Variants in METTL14 observed in about 807,000 individuals in gnomAD.
The protein encoded by METTL14 is methyltransferase 14, N6-adenosine-methyltransferase non-catalytic subunit, also known as N(6)-adenosine-methyltransferase non-catalytic subunit METTL14.
In METTL14, 32 loss-of-function variants were observed where a neutral mutation model predicts 62.4. The ratio of observed to expected loss-of-function variants is 0.51; its 90% CI spans 0.39 to 0.69. The LOEUF is 0.69. METTL14 is among the 30% of genes least tolerant of loss of function. The probability of loss-of-function intolerance (pLI) is 0.00; values close to 1 mark genes in which losing one functional copy is unlikely to be tolerated. For missense variants in METTL14, 340 were observed against 551.9 expected (o/e 0.62, Z 3.85); for synonymous variants, 150 against 180.0 (o/e 0.83, Z 1.34).
In METTL14 at chr4:118,704,058, C is replaced by T. The variant is rs1362477377; in HGVS notation, c.855+7C>T. The T allele has an allele frequency of 6.7e-7, 1 of 1,489,368 alleles. No homozygotes were observed. Among genetic ancestry groups the T allele is most frequent in the African/African-American group, 1.4e-5 (1 of 70,512 alleles). The allele number at this position is 1,489,368 out of a possible 1,614,324, so 92.3% of individuals were successfully genotyped here. On this transcript the variant is annotated splice_region_variant and intron_variant, in intron 9 of 10. Transcript: ENST00000388822. ...TGTCTTTCAGAGAACAAAGGTATTG[C>T]CTTTACTGATTTGTTTTTTTTAATT...
rs531353803 is a variant in METTL14 at position 118,709,329 on chromosome 4, T to A, written c.1067-669T>A. On this transcript the variant is annotated intron_variant, in intron 10 of 10. Transcript: ENST00000388822. Reference sequence around the variant, plus strand: ...TGAATTTGGGCTTTGTGGAAACAGTTGGAAGGTTTTTGAGCAGAGAAGTGA... The same window carrying A: ...TGAATTTGGGCTTTGTGGAAACAGTAGGAAGGTTTTTGAGCAGAGAAGTGA... Among the ~76,000 whole-genome samples, 9 of 152,304 alleles carry A rather than the reference T, an allele frequency of 5.9e-5. No homozygotes were observed. The East Asian group carries it at 1.5e-3, about 26-fold the overall frequency.
At chr4:118,704,991 T>C (rs952854640) in intron 9 of METTL14, among the ~76,000 whole-genome samples, 1 of 152,114 alleles carries the variant, frequency 6.6e-6, no homozygotes, top group Non-Finnish European at 1.5e-5. Flanking sequence ...CAGAATTGAA[T>C]TGAATTATAG....
chr4:118,694,628 T>G (rs928258093), intron 6 of METTL14, 102 bp downstream of exon 6: 2 of 824,754 alleles, frequency 2.4e-6, no homozygotes, highest in Non-Finnish European at 2.0e-6. Flanking sequence ...TCAGCACTTA[T>G]GTTAACATGC....
At chr4:118,685,646 TGC>T in intron 1 of METTL14, 46 bp downstream of exon 1, 2 of 1,559,328 alleles carry the variant, frequency 1.3e-6, no homozygotes, top group Non-Finnish European at 1.8e-6. Flanking sequence ...AGAATGCGAG[TGC>T]GCGGCCGCCT....
rs765131527 is a variant in METTL14 at position 118,700,633 on chromosome 4, T to C, written c.729T>C (p.Leu243=). Residue 243 remains leucine (L), a synonymous_variant, in exon 8 of 11, where the codon CTT becomes CTC. Transcript: ENST00000388822. ...LWCGSGEGLD[L]GRVCLRKWGY... ...GTGGTTCTGGGGAGGGGTTGGACCTTGGAAGAGTGGTAAGATGGTGCTTTT... is the reference window on the plus strand; with the variant it reads ...GTGGTTCTGGGGAGGGGTTGGACCTCGGAAGAGTGGTAAGATGGTGCTTTT... 5.0e-6 allele frequency: 8 copies of C among 1,606,674 alleles called. No individual in the cohort carries two copies. In the Admixed American group the frequency reaches 1.3e-4, roughly 27 times the overall value.
intron 7 of METTL14, among the ~76,000 whole-genome samples, chr4:118,699,325 A>G (rs1438390362): frequency 2.0e-5 from 3 of 152,292 alleles, no homozygotes; most frequent in East Asian, 1.9e-4. Context: ...CCTATAATGT[A>G]AAAGTTTTTC....
At chr4:118,692,913 A>G (rs1724297783) in intron 5 of METTL14, among the ~76,000 whole-genome samples, 1 of 152,140 alleles carries the variant, frequency 6.6e-6, no homozygotes, top group South Asian at 2.1e-4. Context: ...TTTCTTGTAA[A>G]TGAAATTATA....
chr4:118,688,532 AT>A (rs1168586254), intron 2 of METTL14, among the ~76,000 whole-genome samples: 10 of 152,066 alleles, frequency 6.6e-5, no homozygotes, highest in Non-Finnish European at 1.5e-4. Flanking sequence ...CAAAATAATG[AT>A]TTTAGACACA....
At chr4:118,686,611 T>C (rs1348202910) in intron 1 of METTL14, 1 of 456,282 alleles carries the variant, frequency 2.2e-6, no homozygotes, top group East Asian at 6.9e-5. Context: ...TTGTTCCTTA[T>C]CCCGCTGGCA....
At chr4:118,688,400 CCACTGCACTG>C (rs1292901433) in intron 2 of METTL14, among the ~76,000 whole-genome samples, 1 of 150,560 alleles carries the variant, frequency 6.6e-6, no homozygotes, top group Non-Finnish European at 1.5e-5. Flanking sequence ...CAAGATTGTG[CCACTGCACTG>C]CAGCCTGGGA....
intron 8 of METTL14, among the ~76,000 whole-genome samples, chr4:118,703,194 C>T (rs1724655366): frequency 6.6e-6 from 1 of 152,056 alleles, no homozygotes; most frequent in African/African-American, 2.4e-5. Context: ...ATTTTTCCCT[C>T]CTTTACTCTT....
chr4:118,705,874 AGAAATAG>A, intron 10 of METTL14, 53 bp downstream of exon 10: 1 of 1,321,310 alleles, frequency 7.6e-7, no homozygotes, highest in South Asian at 1.2e-5. Context: ...ATGCATGTCA[AGAAATAG>A]GACATGGTGC....
chr4:118,697,349 A>G (rs150232211), intron 7 of METTL14, 26 bp downstream of exon 7: 2 of 1,559,954 alleles, frequency 1.3e-6, no homozygotes, highest in Non-Finnish European at 8.7e-7. Context: ...CTACATTGTA[A>G]TGAATTATTT....
rs771479919 is a variant in METTL14 at position 118,713,327 on chromosome 4, G to C, written c.*3025G>C. ...TATTGTGCATCAGGGTGTCACAGCT[G>C]CTACTAGGAGTTACTCCTTTTCATG... On this transcript the variant is annotated 3_prime_UTR_variant, in exon 11 of 11. Transcript: ENST00000388822. The C allele has an allele frequency of 6.6e-6, 1 of 152,170 alleles. No homozygotes were observed. The highest frequency in any genetic ancestry group is 1.5e-5 in the Non-Finnish European group (1 of 68,034). 9.4% of individuals were successfully genotyped at this position (152,170 alleles called of 1,614,324 possible).
chr4:118,694,465 A>G lies in METTL14; in HGVS notation c.442A>G (p.Lys148Glu), dbSNP rs1724345763. The G allele has an allele frequency of 6.2e-7, 1 of 1,613,134 alleles. No homozygotes were observed. The highest frequency in any genetic ancestry group is 1.3e-5 in the African/African-American group (1 of 74,902). Residue 148 changes from lysine to glutamate, a missense_variant, in exon 6 of 11, where the codon AAA (lysine) becomes GAA (glutamate). By Grantham distance (56) the Lys-to-Glu change is moderately conservative. Around this residue, in one of 7 missense-constraint regions of METTL14, gnomAD observed 16 missense variants for 70.3 expected, o/e 0.23. Transcript: ENST00000388822. ...GLADRFEEYP[K>E]LRELIRLKDE... ...AGCTGACAGATTTGAAGAATATCCT[A>G]AACTGAGGGAGCTCATCAGGCTAAA...
intron 3 of METTL14, 79 bp from the exon 4 acceptor site, chr4:118,691,451 AAT>A (rs1026981439): frequency 2.8e-6 from 2 of 701,934 alleles, no homozygotes; most frequent in Middle Eastern, 2.4e-4. Context: ...AAGGAAATAA[AAT>A]ATGTTGAGTT....
chr4:118,691,686 G>T, intron 4 of METTL14, 74 bp downstream of exon 4: 1 of 709,426 alleles, frequency 1.4e-6, no homozygotes, highest in African/African-American at 1.9e-5. Context: ...TTAAATACCT[G>T]TTTGTCTTCA....
At chr4:118,698,908 C>T (rs1000385956) in intron 7 of METTL14, among the ~76,000 whole-genome samples, 5 of 151,986 alleles carry the variant, frequency 3.3e-5, no homozygotes, top group Non-Finnish European at 4.4e-5. Flanking sequence ...ATCCTGGGAT[C>T]GTGTCTCAGG....
intron 2 of METTL14, among the ~76,000 whole-genome samples, chr4:118,689,079 G>A (rs112968978): frequency 5.9e-5 from 9 of 152,034 alleles, no homozygotes; most frequent in Non-Finnish European, 1.2e-4. Context: ...CAATTTGTAC[G>A]TCTGTTTTGC....
Sources: gnomAD v4.1 joint callset for allele counts (sites outside exome capture counted in the v4.1 genomes callset) on GRCh38, gnomAD v4.1.1 for gene constraint, gnomAD v4.1.1 regional missense constraint, MANE v1.5 for transcripts, NCBI Gene and HGNC (gene_info 2026-07-23, HGNC 2026-07-21) for gene names.